The following PARP4 variants were observed in gnomAD, a reference collection of about 807,000 sequenced individuals.
The protein encoded by PARP4 is poly(ADP-ribose) polymerase family member 4, also known as protein mono-ADP-ribosyltransferase PARP4.
PARP4 carries 120 observed loss-of-function variants against 187.7 expected under a neutral mutation model. That is an observed-to-expected ratio of 0.64 (90% confidence interval 0.55 to 0.74). The LOEUF is 0.74. PARP4 is among the 30% of genes least tolerant of loss of function. The pLI, the probability that PARP4 is intolerant of heterozygous loss-of-function variation, is 0.00. For synonymous variants in PARP4, 654 were observed against 740.9 expected, an observed-to-expected ratio of 0.88 and a Z score of 1.90; for missense variants, 1,836 against 2,070.5, an observed-to-expected ratio of 0.89 and a Z score of 2.20.
chr13:24,470,326 G>A (rs757287043), intron 15 of PARP4, among the ~76,000 whole-genome samples: 17 of 152,234 alleles, frequency 1.1e-4, no homozygotes, highest in South Asian at 6.2e-4. Flanking sequence ...CTGGAAAATT[G>A]CCCCTTTCGT....
At chr13:24,504,886 G>A (rs1426605641) in intron 1 of PARP4, among the ~76,000 whole-genome samples, 1 of 151,468 alleles carries the variant, frequency 6.6e-6, no homozygotes, top group African/African-American at 2.4e-5. Context: ...TAGAGTCGGG[G>A]GTTTTACCAT....
chr13:24,447,726 A>G (rs772411268), intron 25 of PARP4, among the ~76,000 whole-genome samples: 1 of 152,276 alleles, frequency 6.6e-6, no homozygotes, highest in Non-Finnish European at 1.5e-5. Context: ...TTATGCCTTT[A>G]GCTAATTACT....
At chr13:24,504,639 A>C (rs1353807140) in intron 1 of PARP4, among the ~76,000 whole-genome samples, 1 of 152,026 alleles carries the variant, frequency 6.6e-6, no homozygotes, top group Non-Finnish European at 1.5e-5. Context: ...TTTTGCATCG[A>C]AATGTGTATT....
At chr13:24,488,357 G>C (rs1001822164) in intron 10 of PARP4, among the ~76,000 whole-genome samples, 2 of 152,112 alleles carry the variant, frequency 1.3e-5, no homozygotes, top group African/African-American at 4.8e-5. Flanking sequence ...AAGGCCTGTG[G>C]GAATGAATGT....
chr13:24,496,875 T>C (rs1028652348), intron 6 of PARP4, among the ~76,000 whole-genome samples: 4 of 151,910 alleles, frequency 2.6e-5, no homozygotes, highest in African/African-American at 9.7e-5. Flanking sequence ...ATACAAAAAT[T>C]AGCCAGGCGT....
At chr13:24,483,973 C>T (rs1873417702) in intron 12 of PARP4, among the ~76,000 whole-genome samples, 2 of 152,174 alleles carry the variant, frequency 1.3e-5, no homozygotes, top group South Asian at 4.1e-4. Context: ...GTCTTTTGCA[C>T]ATCTGCTTAT....
intron 14 of PARP4, 61 bp downstream of exon 14, chr13:24,477,640 T>C (rs1349412903): frequency 2.5e-5 from 22 of 893,920 alleles, no homozygotes; most frequent in Non-Finnish European, 1.8e-6. Flanking sequence ...CCATTGAAAA[T>C]ATAACATTTG....
intron 21 of PARP4, among the ~76,000 whole-genome samples, chr13:24,455,482 T>C (rs546185938): frequency 1.6e-5 from 2 of 127,882 alleles, no homozygotes; most frequent in Non-Finnish European, 3.3e-5. Flanking sequence ...ATGGAACAAA[T>C]ATATATATAT....
rs1213188606 is a variant in PARP4, at chr13:24,435,154, C to A, written c.3987G>T (p.Pro1329=). Residue 1329 remains proline, a synonymous_variant, in exon 31 of 34, where the codon CCG becomes CCT. Coordinates refer to ENST00000381989, the MANE Select transcript of PARP4 (RefSeq NM_006437.4). ...AAGCAGGACTGTGAGCGCGGGCAGT[C>A]GGGGGAAGATAGGAACCAACGGCCG... ...LAPAVGSYLP[P]TARAHSPASL... The A allele has an allele frequency of 1.2e-6, 2 of 1,613,960 alleles. No homozygotes were observed. The highest frequency in any genetic ancestry group is 8.5e-7 in the Non-Finnish European group (1 of 1,179,976).
intron 18 of PARP4, chr13:24,459,566 C>CACACA (rs972093836): frequency 2.4e-6 from 1 of 411,736 alleles, no homozygotes; most frequent in Admixed American, 4.3e-5. Flanking sequence ...CACACACACA[C>CACACA]ATTTTATACA....
chr13:24,452,305 G>T, intron 24 of PARP4, 101 bp downstream of exon 24: 1 of 922,586 alleles, frequency 1.1e-6, no homozygotes, highest in Non-Finnish European at 1.7e-6. Context: ...TAAGGCTTCT[G>T]TATTCTAGTG....
intron 30 of PARP4, among the ~76,000 whole-genome samples, chr13:24,438,485 A>C (rs939238537): frequency 2.5e-4 from 38 of 152,186 alleles, no homozygotes; most frequent in African/African-American, 8.9e-4. Context: ...CAGTGCCCTC[A>C]ATTTCTTGCT....
chr13:24,497,801 T>C (rs141448380), intron 6 of PARP4, among the ~76,000 whole-genome samples: 1 of 152,068 alleles, frequency 6.6e-6, no homozygotes, highest in Non-Finnish European at 1.5e-5. Flanking sequence ...TCCTCATGTG[T>C]AGAGATGAGG....
intron 20 of PARP4, among the ~76,000 whole-genome samples, chr13:24,457,414 T>G (rs1173176872): frequency 6.6e-6 from 1 of 152,056 alleles, no homozygotes; most frequent in Non-Finnish European, 1.5e-5. Flanking sequence ...TGTTGGCAGA[T>G]GAGATACAAG....
intron 17 of PARP4, among the ~76,000 whole-genome samples, chr13:24,464,352 C>G (rs1872350645): frequency 6.6e-6 from 1 of 152,060 alleles, no homozygotes; most frequent in Non-Finnish European, 1.5e-5. Flanking sequence ...CAATCCTAAG[C>G]AAAAAGAACA....
intron 3 of PARP4, 109 bp from the exon 4 acceptor site, chr13:24,500,491 T>G (rs778505480): frequency 2.6e-5 from 16 of 624,086 alleles, no homozygotes; most frequent in Non-Finnish European, 3.7e-5. Flanking sequence ...CTTAAATTAG[T>G]TATAATTTTG....
At chr13:24,474,287 C>T (rs1331075603) in intron 15 of PARP4, among the ~76,000 whole-genome samples, 1 of 151,192 alleles carries the variant, frequency 6.6e-6, no homozygotes, top group Non-Finnish European at 1.5e-5. Context: ...TTCTTCTCCA[C>T]ATCACCAGGT....
intron 17 of PARP4, among the ~76,000 whole-genome samples, chr13:24,460,810 G>GCTTA (rs1202467542): frequency 4.6e-5 from 7 of 151,994 alleles, no homozygotes; most frequent in African/African-American, 1.7e-4. Context: ...TAAGTAGATG[G>GCTTA]GACTACAGGC....
chr13:24,488,991 T>C (rs1442364550), intron 10 of PARP4, among the ~76,000 whole-genome samples: 2 of 152,250 alleles, frequency 1.3e-5, no homozygotes, highest in Non-Finnish European at 2.9e-5. Flanking sequence ...TACTTTTTCA[T>C]GGCCGAATAA....
Sources: gnomAD v4.1 joint callset for allele counts (sites outside exome capture counted in the v4.1 genomes callset) on GRCh38, gnomAD v4.1.1 for gene constraint, MANE v1.5 for transcripts, NCBI Gene and HGNC (gene_info 2026-07-23, HGNC 2026-07-21) for gene names.